Variants in ADGRB2 observed in about 807,000 individuals in gnomAD.
ADGRB2 encodes the protein brain-specific angiogenesis inhibitor 2.
ADGRB2 carries 47 observed loss-of-function variants against 178.7 expected under a neutral mutation model. That is an observed-to-expected ratio of 0.26 (90% CI 0.21 to 0.34). The LOEUF (loss-of-function observed/expected upper bound fraction) is 0.34. Ranked by LOEUF, ADGRB2 falls within the 10% of genes least tolerant of loss-of-function variation. The pLI, the probability that ADGRB2 is intolerant of heterozygous loss-of-function variation, is 1.00. For missense variants in ADGRB2, 1,584 were observed against 2,180.8 expected, an observed-to-expected ratio of 0.73 and a Z score of 5.45; for synonymous variants, 870 against 912.4, an observed-to-expected ratio of 0.95 and a Z score of 0.84.
At chr1:31,752,739 G>A (rs1035387809) in intron 4 of ADGRB2, among the ~76,000 whole-genome samples, 1 of 152,094 alleles carries the variant, frequency 6.6e-6, no homozygotes. Context: ...AGTTTCAGTA[G>A]CACTGGGGAT....
Position 31,756,474 on chromosome 1 carries a change from C to G in ADGRB2, c.363G>C (p.Ala121=), listed in dbSNP as rs150721064. The change falls in exon 4 of 33, where the codon GCG becomes GCC. Residue 121 remains alanine (A), a synonymous_variant. Transcript: ENST00000373658. The surrounding 1 kb of genome is among the most constrained non-coding windows in gnomAD (Gnocchi z 8.5). ...RPSPEEAVAQ[A]ESEVGRPEEE... is the part of the protein sequence containing the mutation. The stretch of plus-strand genomic sequence containing the variant: ...CTTCTGGCCGCCCCACCTCTGACTC[C>G]GCCTGGGCCACCGCCTCCTCGGGGC... The G allele has an allele frequency of 1.2e-6, 2 of 1,611,370 alleles. No individual in the cohort carries two copies. The highest frequency in any genetic ancestry group is 2.2e-5 in the South Asian group (2 of 90,860).
rs56238685 is a variant in ADGRB2 at position 31,755,184 on chromosome 1, T to C, written c.838+815A>G. On this transcript the variant is annotated intron_variant, in intron 4 of 32. Coordinates refer to ENST00000373658, the MANE Select transcript of ADGRB2 (RefSeq NM_001364857.2). The surrounding 1 kb of genome is among the most constrained non-coding windows in gnomAD (Gnocchi z 5.1). ...TCCTGGTCAGTCCCCGGCCCAGCAC[T>C]GTTCAGCGGGCACACAGGATCCAGC... is the stretch of plus-strand genomic sequence containing the variant. Among the ~76,000 whole-genome samples, 2 of 152,294 alleles carry C rather than the reference T, an allele frequency of 1.3e-5. No homozygotes were observed. Among genetic ancestry groups the C allele is most frequent in the Non-Finnish European group, 2.9e-5 (2 of 68,012 alleles).
Position 31,756,197 on chromosome 1 carries a change from T to C in ADGRB2, c.640A>G (p.Arg214Gly), listed in dbSNP as rs775762120. The stretch of plus-strand genomic sequence containing the variant: ...CCTGGCTGAGCAAAGCCGCAGGCCC[T>C]GCCGGCAGCGCGGCCACACTCCTCA... Reference protein sequence around the residue: ...WSEECGRAAGRACGFAQPGCS... With the variant: ...WSEECGRAAGGACGFAQPGCS... Residue 214 changes from arginine (R) to glycine (G), a missense_variant, in exon 4 of 33, where the codon AGG becomes GGG. Coordinates refer to ENST00000373658, the MANE Select transcript of ADGRB2 (RefSeq NM_001364857.2). This position sits in a 1 kb window ranked among gnomAD's most constrained non-coding sequence, Gnocchi z 8.5. The C allele has an allele frequency of 6.2e-7, 1 of 1,613,362 alleles. No homozygotes were observed. Among genetic ancestry groups the C allele is most frequent in the South Asian group, 1.1e-5 (1 of 91,072 alleles).
intron 4 of ADGRB2, among the ~76,000 whole-genome samples, chr1:31,751,764 ACT>A (rs1330951529): frequency 1.3e-5 from 2 of 152,058 alleles, no homozygotes; most frequent in African/African-American, 2.4e-5. Flanking sequence ...ACTCCTTAAA[ACT>A]CAACTCCAAA....
rs189039106 is a variant in ADGRB2, at chr1:31,761,773, T to G, written c.-191+2111A>C. Among the ~76,000 whole-genome samples the G allele has an allele frequency of 6.6e-6, 1 of 152,272 alleles. No homozygotes were observed. The highest frequency in any genetic ancestry group is 2.4e-5 in the African/African-American group (1 of 41,542). ...CACTGGAACCTGTTTTTCATTTTTC[T>G]CCTTTGGGATTAGGAGTGGAGTGGA... On this transcript the variant is annotated intron_variant, in intron 1 of 32. Transcript: ENST00000373658. This position sits in a 1 kb window ranked among gnomAD's most constrained non-coding sequence, Gnocchi z 4.2.
chr1:31,763,936 G>A lies in ADGRB2; in HGVS notation c.-243C>T. The A allele has an allele frequency of 1.0e-6, 1 of 985,538 alleles. No individual in the cohort carries two copies. The highest frequency in any genetic ancestry group is 1.2e-6 in the Non-Finnish European group (1 of 830,052). 61.0% of individuals were successfully genotyped at this position (985,538 alleles called of 1,614,324 possible). On this transcript the variant is annotated 5_prime_UTR_variant, in exon 1 of 33. Transcript: ENST00000373658. ...GGCCGGCGCTGGCGGGGGCGGCCAC[G>A]GGGCGCAAGTTTGCCATCCCTAAGT...
chr1:31,736,512 C>T (rs1335661971), intron 21 of ADGRB2, 61 bp downstream of exon 21: 3 of 1,599,604 alleles, frequency 1.9e-6, no homozygotes, highest in African/African-American at 1.3e-5. Flanking sequence ...AAAGCTGAAC[C>T]TCTCTTGCTG....
intron 1 of ADGRB2, chr1:31,760,856 C>G (rs1647021892): frequency 6.6e-6 from 1 of 152,412 alleles, no homozygotes; most frequent in Non-Finnish European, 1.5e-5. Flanking sequence ...CATCCTGCCT[C>G]CGGAGCTGGG....
chr1:31,750,961 TC>T (rs1646537039), intron 4 of ADGRB2, among the ~76,000 whole-genome samples: 1 of 151,246 alleles, frequency 6.6e-6, no homozygotes, highest in Admixed American at 6.6e-5. Context: ...CCCTGCCACC[TC>T]CCCCATGTGG....
Position 31,735,459 on chromosome 1 carries a change from G to T in ADGRB2, c.3353+121C>A. The T allele has an allele frequency of 7.3e-7, 1 of 1,362,492 alleles. No individual in the cohort carries two copies. The highest frequency in any genetic ancestry group is 1.0e-6 in the Non-Finnish European group (1 of 975,012). 84.4% of individuals were successfully genotyped at this position (1,362,492 alleles called of 1,614,324 possible). A position where few individuals can be genotyped will look rare whatever the true frequency, so the allele number is the denominator to read the frequency against. On this transcript the variant is annotated intron_variant, in intron 24 of 32. Coordinates refer to ENST00000373658, the MANE Select transcript of ADGRB2 (RefSeq NM_001364857.2). The surrounding 1 kb of genome is among the most constrained non-coding windows in gnomAD (Gnocchi z 6.0). ...GGGTGCCCACCTTGCCTGCAACCTT[G>T]ATGCACCAAGGTTGGGGAGCCCCGG...
rs759920042 is a variant in ADGRB2, at chr1:31,748,818, C to A, written c.839-4087G>T. Among the ~76,000 whole-genome samples the A allele has an allele frequency of 1.4e-3, 220 of 152,396 alleles. 1 individual carries two copies. Among genetic ancestry groups the A allele is most frequent in the Non-Finnish European group, 2.5e-3 (171 of 68,050 alleles). ...TCTGTTCTGAATAAGGCAACGTTTACTAAACAACTCCTACATGCCAGTCAC... is the reference window on the plus strand; with the variant it reads ...TCTGTTCTGAATAAGGCAACGTTTAATAAACAACTCCTACATGCCAGTCAC... On this transcript the variant is annotated intron_variant, in intron 4 of 32. Transcript: ENST00000373658.
In ADGRB2 at chr1:31,738,332, G is replaced by A. The variant is rs1645739655; in HGVS notation, c.2646-6C>T. On this transcript the variant is annotated splice_polypyrimidine_tract_variant and splice_region_variant and intron_variant, in intron 17 of 32. Coordinates refer to ENST00000373658, the MANE Select transcript of ADGRB2 (RefSeq NM_001364857.2). The stretch of plus-strand genomic sequence containing the variant: ...AGTCTCCTGAGCTGGCATCTCTTGG[G>A]TAGGGGAGAGATTCAGTGAGCCCCA... 3.1e-6 allele frequency: 5 copies of A among 1,609,768 alleles called. No homozygotes were observed. The highest frequency in any genetic ancestry group is 2.8e-5 in the African/African-American group (2 of 71,348).
rs747623212 is a variant in ADGRB2, at chr1:31,756,311, C to T, written c.526G>A (p.Ala176Thr). 6 of 1,612,824 alleles carry T rather than the reference C, an allele frequency of 3.7e-6. No individual in the cohort carries two copies. Among genetic ancestry groups the T allele is most frequent in the African/African-American group, 1.3e-5 (1 of 74,948 alleles). ...PSEAPRLLAP[A>T]ALAFRFVEVL... ...TCGACAAAGCGGAAGGCTAGGGCAG[C>T]GGGCGCCAGCAGGCGCGGGGCCTCG... The change falls in exon 4 of 33, where the codon GCT becomes ACT. Residue 176 changes from alanine to threonine, a missense_variant. By Grantham distance (58) the Ala-to-Thr change is moderately conservative (BLOSUM62 0). This residue lies in a region of ADGRB2 where 657 missense variants were observed against 847.6 expected (regional missense o/e 0.78). Coordinates refer to ENST00000373658, the MANE Select transcript of ADGRB2 (RefSeq NM_001364857.2). The surrounding 1 kb of genome is among the most constrained non-coding windows in gnomAD (Gnocchi z 8.5).
rs1168697728 is a variant in ADGRB2 at position 31,740,751 on chromosome 1, G to GACTGAAATAGAAACACCTA, written c.1795-229_1795-211dup. Among the ~76,000 whole-genome samples, 7 of 152,038 alleles carry GACTGAAATAGAAACACCTA rather than the reference G, an allele frequency of 4.6e-5. No homozygotes were observed. Among genetic ancestry groups the GACTGAAATAGAAACACCTA allele is most frequent in the Non-Finnish European group, 8.8e-5 (6 of 68,010 alleles). On this transcript the variant is annotated intron_variant, in intron 11 of 32. Transcript: ENST00000373658. This position sits in a 1 kb window ranked among gnomAD's most constrained non-coding sequence, Gnocchi z 5.9. ...GAATCCCAAAGGGTACTTTAAAAAA[G>GACTGAAATAGAAACACCTA]ACTGAAATAGAAACACCTAGAGAAA...
rs748303628 is a variant in ADGRB2 at position 31,744,618 on chromosome 1, C to A, written c.922+30G>T. On this transcript the variant is annotated intron_variant, in intron 5 of 32. Transcript: ENST00000373658. The surrounding 1 kb of genome is among the most constrained non-coding windows in gnomAD (Gnocchi z 6.7). The stretch of plus-strand genomic sequence containing the variant: ...CAGACGCACACAGTCGGGCCCCCGC[C>A]GCAGAGGAAGGGAGGCGGGCCCGAG... 18 of 1,611,756 alleles carry A rather than the reference C, an allele frequency of 1.1e-5. No individual in the cohort carries two copies. Among genetic ancestry groups the A allele is most frequent in the Non-Finnish European group, 1.4e-5 (16 of 1,178,722 alleles).
rs1645270165 is a variant in ADGRB2 at position 31,731,301 on chromosome 1, G to A, written c.3879C>T (p.Leu1293=). The A allele has an allele frequency of 2.5e-6, 4 of 1,612,312 alleles. No individual in the cohort carries two copies. In the South Asian group the frequency reaches 4.4e-5, roughly 18 times the overall value. The change falls in exon 29 of 33, where the codon CTC becomes CTT. Residue 1293 remains leucine, a synonymous_variant. Transcript: ENST00000373658. The stretch of plus-strand genomic sequence containing the variant: ...TATTCCCAGGCAGTGGTGAGAAGCT[G>A]AGGCTGCCCTCAGGGCCCACGAGGC... ...KSCLVGPEGS[L]SFSPLPGNIL... is the part of the protein sequence containing the mutation.
At position 31,732,620 on chromosome 1, in the gene ADGRB2, C is replaced by T. The variant is rs1300891609; in HGVS notation, c.3625-8G>A. ...CTTCACCACATCCTGGACCTGGGGA[C>T]AGAGGGCGCCTGCTGGGCCTGAGGC... On this transcript the variant is annotated splice_polypyrimidine_tract_variant and splice_region_variant and intron_variant, in intron 26 of 32. Coordinates refer to ENST00000373658, the MANE Select transcript of ADGRB2 (RefSeq NM_001364857.2). 1 of 1,613,532 alleles carries T rather than the reference C, an allele frequency of 6.2e-7. No individual in the cohort carries two copies. The highest frequency in any genetic ancestry group is 8.5e-7 in the Non-Finnish European group (1 of 1,179,820).
At chr1:31,737,960 C>A (rs551505854) in intron 18 of ADGRB2, among the ~76,000 whole-genome samples, 2 of 152,318 alleles carry the variant, frequency 1.3e-5, no homozygotes, top group East Asian at 1.9e-4. Flanking sequence ...CTTCTACACA[C>A]AACCAGACAC....
At chr1:31,750,358 T>C (rs184577997) in intron 4 of ADGRB2, among the ~76,000 whole-genome samples, 106 of 152,306 alleles carry the variant, frequency 7.0e-4, no homozygotes, top group Admixed American at 6.9e-3. Flanking sequence ...GGGCCAGATA[T>C]TGCTGGGAGT....
Sources: gnomAD v4.1 joint callset for allele counts (sites outside exome capture counted in the v4.1 genomes callset) on GRCh38, gnomAD v4.1.1 for gene constraint, gnomAD v4.1.1 regional missense constraint, Gnocchi (gnomAD v3.1) non-coding constraint, MANE v1.5 for transcripts, NCBI Gene and HGNC (gene_info 2026-07-23, HGNC 2026-07-21) for gene names.